HSF2BP: variants seen among roughly 807,000 people sequenced by gnomAD.
HSF2BP encodes heat shock transcription factor 2 binding protein, also known as heat shock factor 2-binding protein.
In HSF2BP, 35 loss-of-function variants were observed where a neutral mutation model predicts 35.0. The observed-to-expected ratio is 1.00, with a 90% CI of 0.76 to 1.32. The LOEUF (loss-of-function observed/expected upper bound fraction) is 1.32. Ranked by LOEUF, HSF2BP falls within the 40% of genes most tolerant of loss-of-function variation. HSF2BP has a pLI of 0.00. For missense variants in HSF2BP, 326 were observed against 321.7 expected (o/e 1.01, Z -0.10); for synonymous variants, 114 against 117.4 (o/e 0.97, Z 0.18).
chr21:43,640,346 C>T (rs181637639), intron 4 of HSF2BP, among the ~76,000 whole-genome samples: 2 of 152,166 alleles, frequency 1.3e-5, no homozygotes, highest in African/African-American at 4.8e-5. Flanking sequence ...TTATGACATT[C>T]TTGAGATAAC....
intron 8 of HSF2BP, among the ~76,000 whole-genome samples, chr21:43,583,876 GA>G (rs2081805468): frequency 7.4e-6 from 1 of 135,292 alleles, no homozygotes; most frequent in Non-Finnish European, 1.6e-5. Flanking sequence ...TGAGGGAGAT[GA>G]AGACCTGCTG....
chr21:43,621,316 T>C (rs1403941210), intron 6 of HSF2BP, among the ~76,000 whole-genome samples: 1 of 152,090 alleles, frequency 6.6e-6, no homozygotes, highest in African/African-American at 2.4e-5. Flanking sequence ...CACTTGAGGT[T>C]AGGAGTTTGA....
At chr21:43,644,449 G>T (rs2082682313) in intron 3 of HSF2BP, 57 bp from the exon 4 acceptor site, 2 of 1,385,006 alleles carry the variant, frequency 1.4e-6, no homozygotes, top group Admixed American at 1.7e-5. Context: ...CTCTCCCTAA[G>T]CATCTATTTT....
intron 8 of HSF2BP, among the ~76,000 whole-genome samples, chr21:43,587,324 G>A (rs1181786079): frequency 6.6e-6 from 1 of 152,150 alleles, no homozygotes; most frequent in Non-Finnish European, 1.5e-5. Flanking sequence ...GAGGGGTTGG[G>A]CTGTGCTCAC....
At chr21:43,607,568 C>A (rs2082150594) in intron 7 of HSF2BP, among the ~76,000 whole-genome samples, 1 of 152,204 alleles carries the variant, frequency 6.6e-6, no homozygotes, top group African/African-American at 2.4e-5. Flanking sequence ...TTACCAACAT[C>A]ATTTTTCATA....
chr21:43,594,379 T>C (rs1377397821), intron 7 of HSF2BP, among the ~76,000 whole-genome samples: 1 of 152,200 alleles, frequency 6.6e-6, no homozygotes, highest in Non-Finnish European at 1.5e-5. Flanking sequence ...TATGGGATTT[T>C]TGAAACTTTT....
At chr21:43,614,084 C>A in intron 6 of HSF2BP, 137 bp from the exon 7 acceptor site, 1 of 682,524 alleles carries the variant, frequency 1.5e-6, no homozygotes, top group Non-Finnish European at 2.5e-6. Flanking sequence ...AATGAAATTG[C>A]TAGGCATGGT....
At chr21:43,581,669 G>A (rs1045477813) in intron 8 of HSF2BP, among the ~76,000 whole-genome samples, 2 of 152,198 alleles carry the variant, frequency 1.3e-5, no homozygotes, top group African/African-American at 4.8e-5. Context: ...AAAAAACACT[G>A]TTCTTCAGCA....
At chr21:43,600,976 TA>T (rs768302823) in intron 7 of HSF2BP, among the ~76,000 whole-genome samples, 1 of 152,234 alleles carries the variant, frequency 6.6e-6, no homozygotes, top group Non-Finnish European at 1.5e-5. Flanking sequence ...TTGATTTCTA[TA>T]GCTCCAACCT....
chr21:43,581,399 G>A (rs1036044414), intron 8 of HSF2BP, among the ~76,000 whole-genome samples: 5 of 150,538 alleles, frequency 3.3e-5, no homozygotes, highest in Non-Finnish European at 7.4e-5. Flanking sequence ...AAAAAAAAAA[G>A]AAAGAAAAGA....
chr21:43,583,095 A>C (rs2081781427), intron 8 of HSF2BP, among the ~76,000 whole-genome samples: 1 of 12,586 alleles, frequency 7.9e-5, no homozygotes, highest in Non-Finnish European at 1.2e-4. Flanking sequence ...AGGCCTGCTG[A>C]AGGAGATGAA....
chr21:43,640,928 T>C (rs959903339), intron 4 of HSF2BP, among the ~76,000 whole-genome samples: 1 of 152,228 alleles, frequency 6.6e-6, no homozygotes, highest in Non-Finnish European at 1.5e-5. Flanking sequence ...CAAACCCTGA[T>C]ATATTTTCCT....
At chr21:43,603,338 G>A (rs2082074280) in intron 7 of HSF2BP, among the ~76,000 whole-genome samples, 1 of 152,206 alleles carries the variant, frequency 6.6e-6, no homozygotes, top group African/African-American at 2.4e-5. Context: ...GCACAAGCCT[G>A]GGTGACCAGT....
At chr21:43,645,766 C>T (rs1296897332) in intron 3 of HSF2BP, among the ~76,000 whole-genome samples, 1 of 152,082 alleles carries the variant, frequency 6.6e-6, no homozygotes, top group Non-Finnish European at 1.5e-5. Flanking sequence ...TGCAAACAAA[C>T]GAGAAGCGGG....
intron 7 of HSF2BP, among the ~76,000 whole-genome samples, chr21:43,602,789 T>C (rs1390587605): frequency 1.3e-5 from 2 of 152,104 alleles, no homozygotes; most frequent in Non-Finnish European, 2.9e-5. Flanking sequence ...ACACCCCAAC[T>C]GGAAATCCAA....
intron 3 of HSF2BP, among the ~76,000 whole-genome samples, chr21:43,655,634 C>T (rs2082857147): frequency 6.6e-6 from 1 of 152,184 alleles, no homozygotes; most frequent in Admixed American, 6.5e-5. Context: ...TCTCTCTCCA[C>T]CCAGCAATGC....
intron 3 of HSF2BP, among the ~76,000 whole-genome samples, chr21:43,647,908 G>C (rs935352745): frequency 7.5e-6 from 1 of 133,108 alleles, no homozygotes; most frequent in Non-Finnish European, 1.6e-5. Flanking sequence ...CAGCCTGGGC[G>C]ACAGAGCAAG....
chr21:43,596,887 A>AG (rs1491112779), intron 7 of HSF2BP, among the ~76,000 whole-genome samples: 48 of 65,874 alleles, frequency 7.3e-4, no homozygotes, highest in African/African-American at 3.0e-3. Context: ...ACCCTGTCTC[A>AG]AAAAAAAAAA....
At chr21:43,643,819 G>A (rs527886240) in intron 4 of HSF2BP, among the ~76,000 whole-genome samples, 10 of 152,154 alleles carry the variant, frequency 6.6e-5, no homozygotes, top group South Asian at 6.2e-4. Context: ...TTAGCCGGCC[G>A]TGGTGGCGGC....
Sources: allele counts gnomAD v4.1 joint callset (sites outside exome capture counted in the v4.1 genomes callset), GRCh38; gene constraint gnomAD v4.1.1; transcripts MANE v1.5; gene names NCBI Gene and HGNC (gene_info 2026-07-23, HGNC 2026-07-21).